TNFRSF10B: variants seen among roughly 807,000 people sequenced by gnomAD.
TNFRSF10B encodes TNF receptor superfamily member 10b, also known as tumor necrosis factor receptor superfamily member 10B.
A neutral mutation model predicts 41.4 loss-of-function variants in TNFRSF10B; 35 were observed. That is an observed-to-expected ratio of 0.85 (90% CI 0.65 to 1.12). The LOEUF (loss-of-function observed/expected upper bound fraction) is 1.12, where lower values mean the gene tolerates loss of function less well. Among genes scored for constraint, TNFRSF10B ranks in the 50% most tolerant of loss-of-function variants. TNFRSF10B has a pLI of 0.00. For missense variants in TNFRSF10B, 584 were observed against 552.7 expected (o/e 1.06, Z -0.57); for synonymous variants, 230 against 215.5 (o/e 1.07, Z -0.59).
chr8:23,021,836 T>A lies in TNFRSF10B; in HGVS notation c.*835A>T, dbSNP rs887902804. 18 of 454,006 alleles carry A rather than the reference T, an allele frequency of 4.0e-5. No homozygotes were observed. Among genetic ancestry groups the A allele is most frequent in the Admixed American group, 9.4e-5 (4 of 42,558 alleles). 28.1% of individuals were successfully genotyped at this position (454,006 alleles called of 1,614,324 possible). A position where few individuals can be genotyped will look rare whatever the true frequency, so the allele number is the denominator to read the frequency against. ...AGACAGTGACATCTTACAGGGGACTTCTTCTTCTTCCCCCATTGTATGTCT... is the reference window on the plus strand; with the variant it reads ...AGACAGTGACATCTTACAGGGGACTACTTCTTCTTCCCCCATTGTATGTCT... On this transcript the variant is annotated 3_prime_UTR_variant, in exon 9 of 9. Coordinates refer to ENST00000276431, the MANE Select transcript of TNFRSF10B (RefSeq NM_003842.5).
chr8:23,020,699 T>A lies in TNFRSF10B; in HGVS notation c.*1972A>T. On this transcript the variant is annotated 3_prime_UTR_variant, in exon 9 of 9. Coordinates refer to ENST00000276431, the MANE Select transcript of TNFRSF10B (RefSeq NM_003842.5). ...AGAGTGAGATTCTGTCTCAAAAAAA[T>A]TAAAAATAAAAGAAAAATCTTAAAC... The A allele has an allele frequency of 2.2e-6, 1 of 453,484 alleles. No homozygotes were observed. The highest frequency in any genetic ancestry group is 1.6e-5 in the South Asian group (1 of 64,400). 28.1% of individuals were successfully genotyped at this position (453,484 alleles called of 1,614,324 possible).
At chr8:23,038,034 C>A (rs1206247055) in intron 2 of TNFRSF10B, among the ~76,000 whole-genome samples, 2 of 152,190 alleles carry the variant, frequency 1.3e-5, no homozygotes, top group Admixed American at 6.5e-5. Flanking sequence ...TTGGGTTCCT[C>A]ATGCCTCTGA....
At chr8:23,068,184 A>G (rs972817798) in intron 1 of TNFRSF10B, 1 of 154,546 alleles carries the variant, frequency 6.5e-6, no homozygotes, top group Non-Finnish European at 1.4e-5. Flanking sequence ...GCCGCTAAGG[A>G]GGGGAAGGGG....
rs59282000 is a variant in TNFRSF10B, at chr8:23,033,585, C to CAAAA, written c.251-2717_251-2714dup. On this transcript the variant is annotated intron_variant, in intron 2 of 8. Coordinates refer to ENST00000276431, the MANE Select transcript of TNFRSF10B (RefSeq NM_003842.5). ...CCTGGGCGACAGCGAGACTCCGTCT[C>CAAAA]AAAAAAAAAAAAAAAAAAAAAAAAA... Among the ~76,000 whole-genome samples the CAAAA allele has an allele frequency of 5.1e-4, 32 of 62,278 alleles. 2 individuals are homozygous for CAAAA. The highest frequency in any genetic ancestry group is 2.3e-3 in the African/African-American group (30 of 13,086). 40.9% of individuals were successfully genotyped at this position (62,278 alleles called of 152,430 possible).
intron 7 of TNFRSF10B, among the ~76,000 whole-genome samples, chr8:23,026,005 G>T (rs1029613297): frequency 5.9e-5 from 9 of 152,180 alleles, no homozygotes; most frequent in African/African-American, 2.2e-4. Context: ...GAGCCCAGGA[G>T]GCAGGGGTTG....
intron 6 of TNFRSF10B, 102 bp from the exon 7 acceptor site, chr8:23,027,390 C>T: frequency 6.9e-7 from 1 of 1,455,574 alleles, no homozygotes; most frequent in Non-Finnish European, 9.5e-7. Context: ...ATCCCCACCC[C>T]CTCTCAGTGA....
rs748998479 is a variant in TNFRSF10B at position 23,030,862 on chromosome 8, G to A, written c.261C>T (p.Ile87=). Residue 87 remains isoleucine (I), a synonymous_variant, in exon 3 of 9, where the codon ATC becomes ATT. Coordinates refer to ENST00000276431, the MANE Select transcript of TNFRSF10B (RefSeq NM_003842.5). The stretch of plus-strand genomic sequence containing the variant: ...AGATGCAATCTCTACCGTCTTCTGA[G>A]ATATGGTGTCCTGGGAGGGGAGAGA... The part of the protein sequence containing the change: ...SEGLCPPGHH[I]SEDGRDCISC... 1.2e-6 allele frequency: 2 copies of A among 1,609,864 alleles called. No homozygotes were observed. The highest frequency in any genetic ancestry group is 1.7e-6 in the Non-Finnish European group (2 of 1,178,254).
chr8:23,024,479 C>T (rs563857848), intron 7 of TNFRSF10B, among the ~76,000 whole-genome samples: 240 of 152,066 alleles, frequency 1.6e-3, no homozygotes, highest in Non-Finnish European at 2.8e-3. Flanking sequence ...TTTTTAAAAC[C>T]CCAAGGTTTA....
At chr8:23,034,893 T>C (rs763472161) in intron 2 of TNFRSF10B, among the ~76,000 whole-genome samples, 4 of 152,260 alleles carry the variant, frequency 2.6e-5, no homozygotes, top group South Asian at 2.1e-4. Context: ...TGGATTATCA[T>C]ACGCTTAACC....
chr8:23,058,284 A>C (rs1812727534), intron 1 of TNFRSF10B, among the ~76,000 whole-genome samples: 1 of 152,126 alleles, frequency 6.6e-6, no homozygotes, highest in Non-Finnish European at 1.5e-5. Context: ...TTATGTAGTT[A>C]AGTCTTGCTT....
rs117508522 is a variant in TNFRSF10B at position 23,044,698 on chromosome 8, A to G, written c.145-1455T>C. Among the ~76,000 whole-genome samples the G allele has an allele frequency of 1.4e-3, 206 of 152,262 alleles. 4 individuals carry two copies. The East Asian group carries it at 0.024, about 18-fold the overall frequency. On this transcript the variant is annotated intron_variant, in intron 1 of 8. Transcript: ENST00000276431. ...AAAAAAGAAGAAAGATCTCAAATAC[A>G]AGACTTAATGTTGTACCTCAAGGAA... is the stretch of plus-strand genomic sequence containing the variant.
chr8:23,040,466 C>CACAATATATTTATTAAATATATAT, intron 2 of TNFRSF10B, among the ~76,000 whole-genome samples: 1 of 65,824 alleles, frequency 1.5e-5, no homozygotes, highest in East Asian at 4.9e-4. Context: ...AATATATATA[C>CACAATATATTTATTAAATATATAT]ACAAAATATA....
At chr8:23,043,335 G>A in intron 1 of TNFRSF10B, 92 bp from the exon 2 acceptor site, 5 of 931,780 alleles carry the variant, frequency 5.4e-6, no homozygotes, top group Non-Finnish European at 8.6e-6. Context: ...AGGCACCCAA[G>A]CTAAACAGAA....
intron 1 of TNFRSF10B, among the ~76,000 whole-genome samples, chr8:23,062,851 G>GGA (rs1314479223): frequency 2.0e-5 from 3 of 152,106 alleles, no homozygotes; most frequent in Middle Eastern, 3.2e-3. Context: ...ATAAAATGTA[G>GGA]GAGACTTGAA....
chr8:23,028,281 G>A (rs191780480), intron 5 of TNFRSF10B, 50 bp downstream of exon 5: 36 of 1,611,866 alleles, frequency 2.2e-5, no homozygotes, highest in Admixed American at 1.2e-4. Flanking sequence ...TAGGGTGGGA[G>A]GGGGCAGGGC....
chr8:23,042,162 A>G (rs1350889792), intron 2 of TNFRSF10B, among the ~76,000 whole-genome samples: 1 of 152,150 alleles, frequency 6.6e-6, no homozygotes, highest in East Asian at 1.9e-4. Context: ...ACCCTGGACC[A>G]CAGCAATAGG....
chr8:23,023,010 C>A, intron 8 of TNFRSF10B, 26 bp from the exon 9 acceptor site: 1 of 1,605,370 alleles, frequency 6.2e-7, no homozygotes, highest in Non-Finnish European at 8.5e-7. Context: ...ACAGAGACAG[C>A]CAGGTGAGTT....
rs539176241 is a variant in TNFRSF10B at position 23,022,580 on chromosome 8, G to A, written c.*91C>T. 23 of 1,382,078 alleles carry A rather than the reference G, an allele frequency of 1.7e-5. No homozygotes were observed. The East Asian group carries it at 4.7e-4, about 28-fold the overall frequency. The allele number at this position is 1,382,078 out of a possible 1,614,324, so 85.6% of individuals were successfully genotyped here. On this transcript the variant is annotated 3_prime_UTR_variant, in exon 9 of 9. Transcript: ENST00000276431. ...TTCCAGTACCGGTCATGTGACAATTGTGGCACTTTCCTACTGACTGGAGTC... is the reference window on the plus strand; with the variant it reads ...TTCCAGTACCGGTCATGTGACAATTATGGCACTTTCCTACTGACTGGAGTC...
chr8:23,064,872 A>G (rs974437108), intron 1 of TNFRSF10B, among the ~76,000 whole-genome samples: 1 of 152,252 alleles, frequency 6.6e-6, no homozygotes, highest in Non-Finnish European at 1.5e-5. Context: ...CTTTAAACAC[A>G]TGCTCTGATT....
Sources: gnomAD v4.1 joint callset for allele counts (sites outside exome capture counted in the v4.1 genomes callset) on GRCh38, gnomAD v4.1.1 for gene constraint, MANE v1.5 for transcripts, NCBI Gene and HGNC (gene_info 2026-07-23, HGNC 2026-07-21) for gene names.